PP2D1: variants seen among roughly 807,000 people sequenced by gnomAD.
The protein encoded by PP2D1 is protein phosphatase 2C-like domain-containing protein 1.
PP2D1 carries 25 observed loss-of-function variants against 30.2 expected under a neutral mutation model. The ratio of observed to expected loss-of-function variants is 0.83; its 90% confidence interval spans 0.60 to 1.16. The LOEUF (loss-of-function observed/expected upper bound fraction) is 1.16. Among genes scored for constraint, PP2D1 ranks in the 50% most tolerant of loss-of-function variants. The probability of loss-of-function intolerance (pLI) is 0.00; values close to 1 mark genes in which losing one functional copy is unlikely to be tolerated. For missense variants in PP2D1, 760 were observed against 742.4 expected (o/e 1.02, Z -0.28); for synonymous variants, 260 against 258.9 (o/e 1.00, Z -0.04).
At chr3:19,984,160 A>G (rs766421613), downstream of PP2D1, 17 of 381,930 alleles carry the variant, frequency 4.5e-5, no homozygotes, top group African/African-American at 1.0e-4. Flanking sequence ...ACACTGGTAC[A>G]GTAGTCACCT....
chr3:19,983,960 A>G (rs1269184330), downstream of PP2D1: 1 of 638,050 alleles, frequency 1.6e-6, no homozygotes, highest in African/African-American at 1.9e-5. Context: ...ATACAGAATT[A>G]TTTTAAGTGT....
At chr3:19,983,960 A>C, downstream of PP2D1, 1 of 638,168 alleles carries the variant, frequency 1.6e-6, no homozygotes, top group Non-Finnish European at 2.7e-6. Flanking sequence ...ATACAGAATT[A>C]TTTTAAGTGT....
chr3:19,988,311 AG>A (rs1177529368), intron 2 of PP2D1, among the ~76,000 whole-genome samples: 1 of 152,094 alleles, frequency 6.6e-6, no homozygotes, highest in Non-Finnish European at 1.5e-5. Flanking sequence ...TCCTAGGGGG[AG>A]GTCTCTGAAA....
At chr3:20,003,307 C>T (rs1697278341) in intron 1 of PP2D1, among the ~76,000 whole-genome samples, 1 of 151,274 alleles carries the variant, frequency 6.6e-6, no homozygotes, top group African/African-American at 2.4e-5. Context: ...TGAAGACCTT[C>T]CAGTGGGACA....
At position 20,001,972 on chromosome 3, in the gene PP2D1, T is replaced by C; in HGVS notation, c.148A>G (p.Lys50Glu). The C allele has an allele frequency of 6.5e-7, 1 of 1,536,324 alleles. No homozygotes were observed. Among genetic ancestry groups the C allele is most frequent in the Non-Finnish European group, 8.7e-7 (1 of 1,146,940 alleles). Residue 50 changes from lysine to glutamate, a missense_variant, in exon 2 of 3, where the codon AAA becomes GAA. Around this residue, in one of 3 missense-constraint regions of PP2D1, gnomAD observed 374 missense variants for 388.8 expected, o/e 0.96. Transcript: ENST00000389050. The part of the protein sequence containing the change: ...KKKSRPVRHT[K>E]RHEEEQVYEQ... The stretch of plus-strand genomic sequence containing the variant: ...TAGACCTGCTCCTCTTCATGGCGTT[T>C]GGTGTGTCTCACTGGTCTTGACTTT...
chr3:19,997,499 T>A (rs1697197058), intron 2 of PP2D1, among the ~76,000 whole-genome samples: 1 of 152,126 alleles, frequency 6.6e-6, no homozygotes, highest in African/African-American at 2.4e-5. Flanking sequence ...GATGTTTGAG[T>A]CATGGGGAGC....
downstream of PP2D1, chr3:19,984,742 A>G (rs1697000415): frequency 6.5e-6 from 1 of 153,158 alleles, no homozygotes; most frequent in African/African-American, 2.4e-5. Flanking sequence ...TAGTCTCCAT[A>G]TCTGTATTAC....
At chr3:19,981,218 T>TA (rs1197770839), downstream of PP2D1, among the ~76,000 whole-genome samples, 1 of 152,232 alleles carries the variant, frequency 6.6e-6, no homozygotes, top group South Asian at 2.1e-4. Flanking sequence ...TGGTTTGACT[T>TA]ACGATTTTAT....
chr3:20,005,052 A>C (rs1338723357), intron 1 of PP2D1, among the ~76,000 whole-genome samples: 2 of 152,158 alleles, frequency 1.3e-5, no homozygotes, highest in Non-Finnish European at 2.9e-5. Flanking sequence ...TGGAAGCTGC[A>C]GTGAGCCATG....
At chr3:19,997,699 C>T (rs763333708) in intron 2 of PP2D1, among the ~76,000 whole-genome samples, 7 of 152,166 alleles carry the variant, frequency 4.6e-5, no homozygotes, top group Non-Finnish European at 1.0e-4. Flanking sequence ...GAAGGAAATT[C>T]TGTCATTTGT....
At chr3:20,011,045 A>G (rs1697379544) in intron 1 of PP2D1, among the ~76,000 whole-genome samples, 1 of 152,094 alleles carries the variant, frequency 6.6e-6, no homozygotes, top group South Asian at 2.1e-4. Flanking sequence ...CTAGCCCTTC[A>G]TCTGGCTAGG....
intron 1 of PP2D1, among the ~76,000 whole-genome samples, chr3:20,011,139 G>T (rs553557020): frequency 6.0e-4 from 91 of 152,242 alleles, no homozygotes; most frequent in Non-Finnish European, 8.8e-4. Flanking sequence ...CAATATCCAA[G>T]AGAATGATCA....
At position 19,999,551 on chromosome 3, in the gene PP2D1, T is replaced by TA. The variant is rs530964984; in HGVS notation, c.1090+1478_1090+1479insT. ...CACCTGCCACGCCTGGCTAATTTTT[T>TA]TTTTTTTTTGTATTTTTAGTAAAGA... is the stretch of plus-strand genomic sequence containing the variant. On this transcript the variant is annotated intron_variant, in intron 2 of 2. Transcript: ENST00000389050. Among the ~76,000 whole-genome samples, 635 of 150,874 alleles carry TA rather than the reference T, an allele frequency of 4.2e-3. 3 individuals carry two copies. The highest frequency in any genetic ancestry group is 0.015 in the African/African-American group (604 of 41,042).
rs978808773 is a variant in PP2D1 at position 20,001,257 on chromosome 3, T to G, written c.863A>C (p.Lys288Thr). ...EYEDTHKAFA[K>T]AFWRMDRLLG... ...AAGCCTATCCATTCTCCAAAATGCTTTTGCAAAGGCTTTGTGTGTGTCCTC... is the reference window on the plus strand; with the variant it reads ...AAGCCTATCCATTCTCCAAAATGCTGTTGCAAAGGCTTTGTGTGTGTCCTC... Residue 288 changes from lysine to threonine, a missense_variant, in exon 2 of 3, where the codon AAA (lysine) becomes ACA (threonine). Physicochemically the swap from Lys to Thr is moderately conservative, Grantham distance 78. Coordinates refer to ENST00000389050, the MANE Select transcript of PP2D1 (RefSeq NM_001252657.2). The G allele has an allele frequency of 2.0e-6, 3 of 1,535,972 alleles. No individual in the cohort carries two copies. Among genetic ancestry groups the G allele is most frequent in the Non-Finnish European group, 2.6e-6 (3 of 1,146,886 alleles).
intron 2 of PP2D1, among the ~76,000 whole-genome samples, chr3:20,000,753 C>G (rs946076959): frequency 6.6e-6 from 1 of 152,216 alleles, no homozygotes; most frequent in African/African-American, 2.4e-5. Context: ...GCTTTTCATC[C>G]TTATCAACAA....
intron 1 of PP2D1, among the ~76,000 whole-genome samples, chr3:20,011,034 C>T: frequency 6.6e-6 from 1 of 152,034 alleles, no homozygotes; most frequent in African/African-American, 2.4e-5. Flanking sequence ...CAACCGGGAA[C>T]CTAGCCCTTC....
intron 2 of PP2D1, among the ~76,000 whole-genome samples, chr3:20,000,011 T>C (rs772939455): frequency 1.3e-5 from 2 of 152,176 alleles, no homozygotes; most frequent in African/African-American, 4.8e-5. Flanking sequence ...TTCTGGCACC[T>C]TGACATTTGT....
chr3:19,983,520 C>A (rs1696973534), downstream of PP2D1, among the ~76,000 whole-genome samples: 1 of 152,022 alleles, frequency 6.6e-6, no homozygotes, highest in Non-Finnish European at 1.5e-5. Context: ...CCCCAGAAAT[C>A]AAACTCCCTA....
chr3:20,005,154 TA>T (rs145653916), intron 1 of PP2D1, among the ~76,000 whole-genome samples: 1,403 of 103,648 alleles, frequency 0.014, 19 homozygotes, highest in African/African-American at 0.033. Flanking sequence ...TTTTTTTTTT[TA>T]AATTTATTTT....
Sources: allele counts gnomAD v4.1 joint callset (sites outside exome capture counted in the v4.1 genomes callset), GRCh38; gene constraint gnomAD v4.1.1; regional missense constraint gnomAD v4.1.1; transcripts MANE v1.5; gene names NCBI Gene and HGNC (gene_info 2026-07-23, HGNC 2026-07-21).